NR6A1: variants seen among roughly 807,000 people sequenced by gnomAD.
NR6A1 encodes nuclear receptor subfamily 6 group A member 1.
In NR6A1, 7 loss-of-function variants were observed where a neutral mutation model predicts 59.1. The observed-to-expected ratio is 0.12, with a 90% CI of 0.07 to 0.22. NR6A1 has a LOEUF of 0.22. NR6A1 is among the 10% of genes least tolerant of loss of function. The pLI is 1.00. For synonymous variants in NR6A1, 243 were observed against 236.1 expected (o/e 1.03, Z -0.27); for missense variants, 468 against 611.6 (o/e 0.77, Z 2.48).
rs1438823257 is a variant in NR6A1 at position 124,518,972 on chromosome 9, G to A, written c.*3733C>T. The A allele has an allele frequency of 2.0e-5, 3 of 152,168 alleles. No homozygotes were observed. Among genetic ancestry groups the A allele is most frequent in the African/African-American group, 7.2e-5 (3 of 41,424 alleles). 9.4% of individuals were successfully genotyped at this position (152,168 alleles called of 1,614,324 possible). A position where few individuals can be genotyped will look rare whatever the true frequency, so the allele number is the denominator to read the frequency against. ...GGGTTCCCTTAATTCGACCAACCTT[G>A]GACATGGCTTAGATGCTGCCCACAG... On this transcript the variant is annotated 3_prime_UTR_variant, in exon 10 of 10. Transcript: ENST00000487099.
intron 2 of NR6A1, among the ~76,000 whole-genome samples, chr9:124,602,856 T>C (rs527402157): frequency 2.2e-4 from 34 of 152,264 alleles, no homozygotes; most frequent in African/African-American, 7.9e-4. Context: ...CTTCCTGACT[T>C]CTCCAGCTTC....
chr9:124,668,060 C>A (rs557193071), intron 2 of NR6A1, among the ~76,000 whole-genome samples: 374 of 152,120 alleles, frequency 2.5e-3, no homozygotes, highest in Non-Finnish European at 4.4e-3. Context: ...TTGACTCCCC[C>A]AAAACTTTAC....
At chr9:124,632,499 T>C (rs1419933453) in intron 2 of NR6A1, among the ~76,000 whole-genome samples, 1 of 152,204 alleles carries the variant, frequency 6.6e-6, no homozygotes, top group African/African-American at 2.4e-5. Context: ...TTTGTCCACT[T>C]TTTAACGGGG....
intron 6 of NR6A1, among the ~76,000 whole-genome samples, chr9:124,537,784 C>T (rs893845307): frequency 2.6e-5 from 4 of 152,230 alleles, no homozygotes; most frequent in Middle Eastern, 3.4e-3. Flanking sequence ...TACTGCTCAT[C>T]TCTAGCATGG....
chr9:124,689,654 TA>T (rs1245040226), intron 2 of NR6A1, among the ~76,000 whole-genome samples: 2 of 152,194 alleles, frequency 1.3e-5, no homozygotes, highest in African/African-American at 4.8e-5. Flanking sequence ...TCTGAGACAT[TA>T]ATCTCACTAC....
In NR6A1 at chr9:124,519,088, A is replaced by G. The variant is rs1241921992; in HGVS notation, c.*3617T>C. On this transcript the variant is annotated 3_prime_UTR_variant, in exon 10 of 10. Coordinates refer to ENST00000487099, the MANE Select transcript of NR6A1 (RefSeq NM_033334.4). ...AAATGGGTAACAGAGCAATGCACCT[A>G]GCTCAGAGCCCAGGATTTTAAGGAT... The G allele has an allele frequency of 6.6e-6, 1 of 152,254 alleles. No individual in the cohort carries two copies. The highest frequency in any genetic ancestry group is 1.5e-5 in the Non-Finnish European group (1 of 68,048). 9.4% of individuals were successfully genotyped at this position (152,254 alleles called of 1,614,324 possible). A position where few individuals can be genotyped will look rare whatever the true frequency, so the allele number is the denominator to read the frequency against.
intron 1 of NR6A1, among the ~76,000 whole-genome samples, chr9:124,768,553 C>A (rs543884846): frequency 6.6e-6 from 1 of 152,290 alleles, no homozygotes; most frequent in East Asian, 1.9e-4. Flanking sequence ...CATCAAGCTG[C>A]CAAAAGTTCC....
intron 2 of NR6A1, among the ~76,000 whole-genome samples, chr9:124,608,152 T>G (rs141505802): frequency 6.6e-6 from 1 of 152,256 alleles, no homozygotes; most frequent in Non-Finnish European, 1.5e-5. Flanking sequence ...CTTTTTAGAT[T>G]TTATTTTTAT....
intron 2 of NR6A1, among the ~76,000 whole-genome samples, chr9:124,613,058 C>T (rs2130846230): frequency 6.6e-6 from 1 of 152,170 alleles, no homozygotes; most frequent in Non-Finnish European, 1.5e-5. Context: ...AATTCAAAGC[C>T]AGGAGTGGTG....
intron 1 of NR6A1, among the ~76,000 whole-genome samples, chr9:124,752,389 T>C (rs1029149175): frequency 2.0e-5 from 3 of 152,190 alleles, no homozygotes; most frequent in African/African-American, 7.2e-5. Flanking sequence ...ATAAAATTTT[T>C]AAAAATCAAA....
intron 1 of NR6A1, among the ~76,000 whole-genome samples, chr9:124,756,277 G>C (rs1035750309): frequency 6.6e-6 from 1 of 152,140 alleles, no homozygotes; most frequent in Non-Finnish European, 1.5e-5. Flanking sequence ...GTTTGTACCC[G>C]CTATAGTTGA....
At chr9:124,643,148 T>A (rs1836816848) in intron 2 of NR6A1, among the ~76,000 whole-genome samples, 1 of 151,010 alleles carries the variant, frequency 6.6e-6, no homozygotes. Flanking sequence ...TGACAATGAA[T>A]ATATATTACC....
At chr9:124,764,854 T>C (rs887216077) in intron 1 of NR6A1, among the ~76,000 whole-genome samples, 1 of 152,226 alleles carries the variant, frequency 6.6e-6, no homozygotes, top group Non-Finnish European at 1.5e-5. Context: ...CTGGATTTGT[T>C]TCCCTGAATA....
chr9:124,611,682 G>A (rs997361199), intron 2 of NR6A1, among the ~76,000 whole-genome samples: 2 of 151,148 alleles, frequency 1.3e-5, no homozygotes, highest in African/African-American at 2.4e-5. Flanking sequence ...CTAGGAGGTC[G>A]AGGCTCCAGT....
intron 2 of NR6A1, among the ~76,000 whole-genome samples, chr9:124,564,736 T>A (rs1381378846): frequency 1.3e-5 from 2 of 151,588 alleles, no homozygotes; most frequent in African/African-American, 4.9e-5. Flanking sequence ...AATTCTGAAA[T>A]GTATACGGAA....
intron 2 of NR6A1, among the ~76,000 whole-genome samples, chr9:124,585,565 G>C (rs372359965): frequency 1.5e-5 from 2 of 135,620 alleles, no homozygotes; most frequent in Non-Finnish European, 3.2e-5. Context: ...AAAAGGGGGG[G>C]GGGGGCAAGG....
intron 2 of NR6A1, chr9:124,607,343 A>G (rs1835603616): frequency 6.6e-6 from 1 of 152,178 alleles, no homozygotes; most frequent in South Asian, 2.1e-4. Context: ...GGCGGGATGA[A>G]CTGGCCTAGG....
rs71372979 is a variant in NR6A1 at position 124,630,210 on chromosome 9, G to GTTTT, written c.143-75644_143-75641dup. On this transcript the variant is annotated intron_variant, in intron 2 of 9. Coordinates refer to ENST00000487099, the MANE Select transcript of NR6A1 (RefSeq NM_033334.4). The stretch of plus-strand genomic sequence containing the variant: ...TCTGAACTCCAGTTCCTCCAAATCA[G>GTTTT]TTTTTTTTTTTTTTTTTTTTTTGAG... 1.7e-3 allele frequency among the ~76,000 whole-genome samples: 163 copies of GTTTT among 95,336 alleles called. 1 individual carries two copies. The highest frequency in any genetic ancestry group is 2.5e-3 in the African/African-American group (61 of 24,008). 62.5% of individuals were successfully genotyped at this position (95,336 alleles called of 152,430 possible). A position where few individuals can be genotyped will look rare whatever the true frequency, so the allele number is the denominator to read the frequency against.
At chr9:124,656,303 T>C (rs945706039) in intron 2 of NR6A1, among the ~76,000 whole-genome samples, 1 of 152,160 alleles carries the variant, frequency 6.6e-6, no homozygotes, top group African/African-American at 2.4e-5. Context: ...AATAAACCTC[T>C]TTTCTTTATA....
Sources: gnomAD v4.1 joint callset for allele counts (sites outside exome capture counted in the v4.1 genomes callset) on GRCh38, gnomAD v4.1.1 for gene constraint, MANE v1.5 for transcripts, NCBI Gene and HGNC (gene_info 2026-07-23, HGNC 2026-07-21) for gene names.